Variants in ZNF730 observed in about 807,000 individuals in gnomAD.
ZNF730 encodes the protein zinc finger protein 730.
A neutral mutation model predicts 12.6 loss-of-function variants in ZNF730; 12 were observed. That is an observed-to-expected ratio of 0.95 (90% CI 0.61 to 1.54). The LOEUF (loss-of-function observed/expected upper bound fraction) is 1.54, where lower values mean the gene tolerates loss of function less well. ZNF730 is among the 40% of genes most tolerant of loss of function. ZNF730 has a pLI of 0.00. For missense variants in ZNF730, 643 were observed against 583.5 expected (o/e 1.10, Z -1.05); for synonymous variants, 194 against 195.8 (o/e 0.99, Z 0.08).
At chr19:23,142,226 A>G (rs1023347580) in intron 3 of ZNF730, among the ~76,000 whole-genome samples, 16 of 151,962 alleles carry the variant, frequency 1.1e-4, no homozygotes, top group African/African-American at 3.4e-4. Flanking sequence ...TAGTTGCATA[A>G]TATTATTTTG....
chr19:23,075,841 C>T (rs1005594102), intron 1 of ZNF730, among the ~76,000 whole-genome samples: 2 of 152,000 alleles, frequency 1.3e-5, no homozygotes, highest in African/African-American at 4.8e-5. Context: ...CAGGGTCAAG[C>T]CTCCCAAAGT....
intron 1 of ZNF730, 139 bp downstream of exon 1, chr19:23,117,315 G>A: frequency 6.6e-7 from 1 of 1,515,914 alleles, no homozygotes; most frequent in Non-Finnish European, 9.1e-7. Context: ...CTCGGCCTCA[G>A]TCCCCTTCAG....
Position 23,134,080 on chromosome 19 carries a change from G to T in ZNF730, c.4G>T (p.Gly2Ter), listed in dbSNP as rs760199360. M[G>*]ALTFRDVAIE... is the part of the protein sequence containing the mutation. ...ATGTGTGTTTGTTTGTGTTTTTCAG[G>T]GAGCGTTGACATTTAGAGATGTGGC... Residue 2 changes from glycine (G) to a stop codon, truncating the protein, a stop_gained and splice_region_variant, in exon 2 of 4, where the codon GGA becomes TGA. Transcript: ENST00000597761. LOFTEE classifies it high-confidence loss of function. The T allele has an allele frequency of 1.9e-6, 3 of 1,612,908 alleles. No individual in the cohort carries two copies. In the South Asian group the frequency reaches 3.3e-5, roughly 18 times the overall value.
At chr19:23,126,086 C>G (rs1218038759) in intron 1 of ZNF730, among the ~76,000 whole-genome samples, 3 of 152,128 alleles carry the variant, frequency 2.0e-5, no homozygotes, top group Non-Finnish European at 4.4e-5. Context: ...GATTAAGATG[C>G]TTTACCAGGA....
chr19:23,105,797 T>A (rs6511405), intron 1 of ZNF730, among the ~76,000 whole-genome samples: 149,684 of 152,290 alleles, frequency 0.98, 73,599 homozygotes, highest in Middle Eastern at 1. Flanking sequence ...TATAAACCAG[T>A]TGCTTTATAG....
At chr19:23,101,864 G>A (rs539559329) in intron 1 of ZNF730, among the ~76,000 whole-genome samples, 20 of 152,278 alleles carry the variant, frequency 1.3e-4, no homozygotes, top group African/African-American at 3.8e-4. Context: ...CACCATGCCC[G>A]GCCTCGCTGG....
At chr19:23,128,755 A>T (rs896802690) in intron 1 of ZNF730, among the ~76,000 whole-genome samples, 2 of 152,184 alleles carry the variant, frequency 1.3e-5, no homozygotes, top group African/African-American at 4.8e-5. Context: ...TCATTTTTTG[A>T]GGAGAAATTT....
intron 1 of ZNF730, chr19:23,099,957 G>A (rs1009306340): frequency 6.6e-6 from 1 of 152,154 alleles, no homozygotes; most frequent in African/African-American, 2.4e-5. Flanking sequence ...GGTGATGTGA[G>A]TTTTCTCTTC....
At chr19:23,106,703 A>C (rs1970395937) in intron 1 of ZNF730, among the ~76,000 whole-genome samples, 1 of 151,872 alleles carries the variant, frequency 6.6e-6, no homozygotes. Context: ...AGGCAGGAGA[A>C]TCACTTGAAC....
intron 1 of ZNF730, among the ~76,000 whole-genome samples, chr19:23,119,323 A>G (rs2145601645): frequency 6.6e-6 from 1 of 152,316 alleles, no homozygotes; most frequent in South Asian, 2.1e-4. Flanking sequence ...TGTTTATCTG[A>G]TTAATCAAAC....
At chr19:23,126,866 A>C in intron 1 of ZNF730, 1 of 532,192 alleles carries the variant, frequency 1.9e-6, no homozygotes, top group Non-Finnish European at 3.7e-6. Flanking sequence ...TAGACCTTCA[A>C]TACAGGAGAT....
chr19:23,127,301 A>G, intron 1 of ZNF730: 2 of 678,418 alleles, frequency 2.9e-6, no homozygotes, highest in Non-Finnish European at 5.5e-6. Context: ...TTCCAAGAAG[A>G]CATGGAAATT....
chr19:23,127,333 ATGTGC>A (rs1165867585), intron 1 of ZNF730: 1 of 693,878 alleles, frequency 1.4e-6, no homozygotes, highest in African/African-American at 1.8e-5. Context: ...TCAAAATAGG[ATGTGC>A]TGTCACATGA....
chr19:23,106,521 GTTGCTC>G (rs1240312942), intron 1 of ZNF730, among the ~76,000 whole-genome samples: 1 of 152,106 alleles, frequency 6.6e-6, no homozygotes, highest in Non-Finnish European at 1.5e-5. Flanking sequence ...GCCAGGCATG[GTTGCTC>G]ATGCCTGTAA....
intron 1 of ZNF730, among the ~76,000 whole-genome samples, chr19:23,101,284 C>A (rs553958739): frequency 6.6e-6 from 1 of 151,978 alleles, no homozygotes; most frequent in Non-Finnish European, 1.5e-5. Flanking sequence ...TTGACTCTCA[C>A]GTGGATCTGG....
intron 1 of ZNF730, among the ~76,000 whole-genome samples, chr19:23,129,412 A>G (rs1205934556): frequency 6.6e-6 from 1 of 152,060 alleles, no homozygotes; most frequent in Non-Finnish European, 1.5e-5. Flanking sequence ...CACTTTTTGC[A>G]TCAGCATGAC....
chr19:23,091,708 C>G (rs1233600450), intron 1 of ZNF730, among the ~76,000 whole-genome samples: 1 of 152,148 alleles, frequency 6.6e-6, no homozygotes, highest in Non-Finnish European at 1.5e-5. Context: ...TCCAATTTAT[C>G]TCATTTGGAA....
intron 1 of ZNF730, chr19:23,127,265 C>A: frequency 1.5e-6 from 1 of 660,898 alleles, no homozygotes; most frequent in Non-Finnish European, 2.8e-6. Context: ...TTTTATTTTT[C>A]CTTGCACACT....
Position 23,129,993 on chromosome 19 carries a change from C to CAA in ZNF730, c.4-4071_4-4070dup, listed in dbSNP as rs34321928. On this transcript the variant is annotated intron_variant, in intron 1 of 3. Coordinates refer to ENST00000597761, the MANE Select transcript of ZNF730 (RefSeq NM_001277403.2). Reference sequence around the variant, plus strand: ...TGGGTGCTGGAGCGAGACTCCGCCTCAAAAAAAAAAAAAAAAAGACTTTGG... The same window carrying CAA: ...TGGGTGCTGGAGCGAGACTCCGCCTCAAAAAAAAAAAAAAAAAAAGACTTTGG... Among the ~76,000 whole-genome samples the CAA allele has an allele frequency of 2.8e-3, 249 of 87,984 alleles. 1 individual carries two copies. The highest frequency in any genetic ancestry group is 5.5e-3 in the African/African-American group (132 of 23,982). The allele number at this position is 87,984 out of a possible 152,430, so 57.7% of individuals were successfully genotyped here.
Sources: allele counts gnomAD v4.1 joint callset (sites outside exome capture counted in the v4.1 genomes callset), GRCh38; gene constraint gnomAD v4.1.1; transcripts MANE v1.5; gene names NCBI Gene and HGNC (gene_info 2026-07-23, HGNC 2026-07-21).